Variants in SET observed in about 807,000 individuals in gnomAD.
SET encodes protein SET.
Under a neutral mutation model 39.0 loss-of-function variants are expected in SET, and 4 were observed. The ratio of observed to expected loss-of-function variants is 0.10; its 90% CI spans 0.05 to 0.23. The LOEUF is 0.23. SET is among the 10% of genes least tolerant of loss of function. SET has a pLI of 1.00. For synonymous variants in SET, 114 were observed against 115.9 expected, an observed-to-expected ratio of 0.98 and a Z score of 0.11; for missense variants, 137 against 329.7, an observed-to-expected ratio of 0.42 and a Z score of 4.53.
chr9:128,690,624 A>C (rs1159862277), intron 1 of SET: 1 of 155,742 alleles, frequency 6.4e-6, no homozygotes, highest in Admixed American at 6.5e-5. Context: ...TGTTCTGAGA[A>C]GGCGAAGGCC....
upstream of SET, among the ~76,000 whole-genome samples, chr9:128,687,617 CAAAA>C (rs57072661): frequency 3.1e-3 from 250 of 79,658 alleles, 3 homozygotes; most frequent in South Asian, 0.043. Context: ...CCTCCCCCAC[CAAAA>C]AAAAAAAAAA....
intron 2 of SET, 25 bp downstream of exon 2, chr9:128,691,252 G>A (rs758914619): frequency 1.3e-6 from 2 of 1,496,170 alleles, no homozygotes; most frequent in Non-Finnish European, 1.8e-6. Context: ...AATATACTTC[G>A]GAGAAATTTT....
chr9:128,686,104 C>G (rs1861278051), upstream of SET, among the ~76,000 whole-genome samples: 1 of 151,508 alleles, frequency 6.6e-6, no homozygotes, highest in Non-Finnish European at 1.5e-5. Flanking sequence ...GGGGAGAGGC[C>G]AAGAAGAGAG....
In SET at chr9:128,692,995, AATT is replaced by A. The variant is rs767885245; in HGVS notation, c.492+18_492+20del. On this transcript the variant is annotated intron_variant, in intron 5 of 7. Transcript: ENST00000322030. ...AAATCTGGAAAGGTATGTTTTGAGGAATTATTTGACAAAAATAGCATTTTGCCT... is the reference window on the plus strand; with the variant it reads ...AAATCTGGAAAGGTATGTTTTGAGGAATTTGACAAAAATAGCATTTTGCCT... 1.4e-5 allele frequency: 21 copies of A among 1,514,260 alleles called. No homozygotes were observed. The South Asian group carries it at 1.7e-4, about 12-fold the overall frequency. 93.8% of individuals were successfully genotyped at this position (1,514,260 alleles called of 1,614,324 possible). A position where few individuals can be genotyped will look rare whatever the true frequency, so the allele number is the denominator to read the frequency against.
At chr9:128,693,573 T>A (rs771879000) in intron 5 of SET, 65 bp from the exon 6 acceptor site, 10 of 1,457,058 alleles carry the variant, frequency 6.9e-6, no homozygotes, top group Non-Finnish European at 9.1e-6. Context: ...TCTTATTTTT[T>A]AAATTATAGG....
upstream of SET, among the ~76,000 whole-genome samples, chr9:128,688,404 A>T (rs1861361585): frequency 6.6e-6 from 1 of 152,070 alleles, no homozygotes; most frequent in Non-Finnish European, 1.5e-5. Context: ...TTTCATCTCT[A>T]TGAACAGAAC....
At position 128,691,231 on chromosome 9, in the gene SET, A is replaced by T; in HGVS notation, c.131+4A>T. The T allele has an allele frequency of 6.3e-7, 1 of 1,579,962 alleles. No individual in the cohort carries two copies. Among genetic ancestry groups the T allele is most frequent in the Non-Finnish European group, 8.6e-7 (1 of 1,157,024 alleles). ...AAGTACAAAATGAAATAGACAGGTA[A>T]CATTTTTCTTAATATACTTCGGAGA... On this transcript the variant is annotated splice_donor_region_variant and intron_variant, in intron 2 of 7. Coordinates refer to ENST00000322030, the MANE Select transcript of SET (RefSeq NM_003011.4).
upstream of SET, among the ~76,000 whole-genome samples, chr9:128,688,710 C>A (rs1213443160): frequency 6.6e-6 from 1 of 152,176 alleles, no homozygotes; most frequent in Non-Finnish European, 1.5e-5. Flanking sequence ...GATTACACAG[C>A]CTGGGGCTTC....
upstream of SET, among the ~76,000 whole-genome samples, chr9:128,684,834 C>A (rs1320803572): frequency 6.6e-6 from 1 of 152,172 alleles, no homozygotes; most frequent in African/African-American, 2.4e-5. Context: ...AGTCATGCTG[C>A]CTCACCCTCT....
exon 1 of SET, chr9:128,683,664 C>A: frequency 2.2e-6 from 1 of 453,866 alleles, no homozygotes; most frequent in Non-Finnish European, 3.9e-6. Flanking sequence ...AGTGCCCCTG[C>A]AGAGCGAGGC....
At chr9:128,683,866 G>C (rs769722562) in exon 1 of SET, 2 of 1,529,686 alleles carry the variant, frequency 1.3e-6, no homozygotes, top group African/African-American at 1.4e-5. Flanking sequence ...GAGGAGACTC[G>C]TGGTCTGGTT....
intron 5 of SET, 61 bp downstream of exon 5, chr9:128,693,042 C>A: frequency 2.6e-6 from 3 of 1,137,844 alleles, no homozygotes; most frequent in Non-Finnish European, 3.9e-6. Context: ...TTAGTTTTAA[C>A]CACTTACAAG....
chr9:128,685,291 G>C, upstream of SET: 1 of 1,235,436 alleles, frequency 8.1e-7, no homozygotes, highest in Non-Finnish European at 1.2e-6. Flanking sequence ...CAGGCTTGCT[G>C]TGAGTCTGAA....
At chr9:128,684,189 G>C (rs1275021110) in intron 1 of SET, among the ~76,000 whole-genome samples, 2 of 152,100 alleles carry the variant, frequency 1.3e-5, no homozygotes, top group African/African-American at 4.8e-5. Flanking sequence ...GAGAACGGGA[G>C]TGCACGGGAG....
intron 6 of SET, 43 bp downstream of exon 6, chr9:128,693,851 G>C (rs762023635): frequency 6.3e-5 from 101 of 1,603,162 alleles, no homozygotes; most frequent in Non-Finnish European, 8.0e-5. Flanking sequence ...ACTTGTCTCG[G>C]TTGTTTAAAA....
Position 128,694,711 on chromosome 9 carries a change from A to G in SET, c.*47A>G, listed in dbSNP as rs371016083. 12 of 955,426 alleles carry G rather than the reference A, an allele frequency of 1.3e-5. No individual in the cohort carries two copies. The African/African-American group carries it at 2.0e-4, about 16-fold the overall frequency. 59.2% of individuals were successfully genotyped at this position (955,426 alleles called of 1,614,324 possible). ...ACCTTCCTTTTTTTAAATTTTCTCCAGTCCCTGGGAGCAAGTTGCAGTCTT... is the reference window on the plus strand; with the variant it reads ...ACCTTCCTTTTTTTAAATTTTCTCCGGTCCCTGGGAGCAAGTTGCAGTCTT... On this transcript the variant is annotated 3_prime_UTR_variant, in exon 8 of 8. Coordinates refer to ENST00000322030, the MANE Select transcript of SET (RefSeq NM_003011.4).
rs750098088 is a variant in SET at position 128,693,918 on chromosome 9, AAGG to A, written c.689_691del (p.Gly230del). On this transcript the variant is annotated inframe_deletion, in exon 7 of 8. Coordinates refer to ENST00000322030, the MANE Select transcript of SET (RefSeq NM_003011.4). The stretch of plus-strand genomic sequence containing the variant: ...AAGGTTCCCGATATGGATGATGAAG[AAGG>A]AGAAGGAGAAGAAGATGATGATGAT... 30 of 1,583,774 alleles carry A rather than the reference AAGG, an allele frequency of 1.9e-5. No homozygotes were observed. Among genetic ancestry groups the A allele is most frequent in the South Asian group, 2.2e-5 (2 of 88,966 alleles).
In SET at chr9:128,694,732, GTCTT is replaced by G. The variant is rs973219901; in HGVS notation, c.*70_*73del. On this transcript the variant is annotated 3_prime_UTR_variant, in exon 8 of 8. Coordinates refer to ENST00000322030, the MANE Select transcript of SET (RefSeq NM_003011.4). Reference sequence around the variant, plus strand: ...CTCCAGTCCCTGGGAGCAAGTTGCAGTCTTTTTTTTTTTTTTTTTTTTTTTTCCC... The same window carrying G: ...CTCCAGTCCCTGGGAGCAAGTTGCAGTTTTTTTTTTTTTTTTTTTTTTCCC... The G allele has an allele frequency of 5.7e-5, 27 of 470,104 alleles. No individual in the cohort carries two copies. Among genetic ancestry groups the G allele is most frequent in the Non-Finnish European group, 7.5e-5 (21 of 280,954 alleles). 29.1% of individuals were successfully genotyped at this position (470,104 alleles called of 1,614,324 possible). A position where few individuals can be genotyped will look rare whatever the true frequency, so the allele number is the denominator to read the frequency against.
At position 128,692,642 on chromosome 9, in the gene SET, C is replaced by G; in HGVS notation, c.275-20C>G. The G allele has an allele frequency of 6.6e-7, 1 of 1,515,852 alleles. No individual in the cohort carries two copies. The highest frequency in any genetic ancestry group is 9.1e-7 in the Non-Finnish European group (1 of 1,093,130). 93.9% of individuals were successfully genotyped at this position (1,515,852 alleles called of 1,614,324 possible). ...GTGTGCCTGTTGAAAATTCAGCTGACCTGTAATTTTCTGGCCTAGTGTCTG... is the reference window on the plus strand; with the variant it reads ...GTGTGCCTGTTGAAAATTCAGCTGAGCTGTAATTTTCTGGCCTAGTGTCTG... On this transcript the variant is annotated intron_variant, in intron 3 of 7. Coordinates refer to ENST00000322030, the MANE Select transcript of SET (RefSeq NM_003011.4).
Sources: gnomAD v4.1 joint callset for allele counts (sites outside exome capture counted in the v4.1 genomes callset) on GRCh38, gnomAD v4.1.1 for gene constraint, MANE v1.5 for transcripts, NCBI Gene and HGNC (gene_info 2026-07-23, HGNC 2026-07-21) for gene names.